TNFRSF8: variants seen among roughly 807,000 people sequenced by gnomAD.
TNFRSF8 encodes the protein tumor necrosis factor receptor superfamily member 8.
TNFRSF8 carries 26 observed loss-of-function variants against 70.8 expected under a neutral mutation model. That is an observed-to-expected ratio of 0.37 (90% CI 0.27 to 0.51). The LOEUF (loss-of-function observed/expected upper bound fraction) is 0.51, where lower values mean the gene tolerates loss of function less well. TNFRSF8 is among the 20% of genes least tolerant of loss of function. The pLI is 0.94. For missense variants in TNFRSF8, 720 were observed against 807.9 expected (o/e 0.89, Z 1.32); for synonymous variants, 356 against 339.2 (o/e 1.05, Z -0.54).
intron 1 of TNFRSF8, among the ~76,000 whole-genome samples, chr1:12,064,589 A>C (rs1180170028): frequency 2.0e-5 from 3 of 152,162 alleles, no homozygotes; most frequent in Non-Finnish European, 2.9e-5. Context: ...GGGAAGACCC[A>C]GTTCCCCTTT....
At chr1:12,105,005 A>G (rs944489828) in intron 4 of TNFRSF8, among the ~76,000 whole-genome samples, 1 of 151,996 alleles carries the variant, frequency 6.6e-6, no homozygotes, top group Non-Finnish European at 1.5e-5. Flanking sequence ...CAAGTTTCTT[A>G]CCTCTCTGAC....
At chr1:12,105,382 A>C (rs538620887) in intron 4 of TNFRSF8, among the ~76,000 whole-genome samples, 12 of 151,560 alleles carry the variant, frequency 7.9e-5, no homozygotes, top group African/African-American at 2.7e-4. Flanking sequence ...TCGTTCCCTC[A>C]TCCTTCACAG....
At chr1:12,122,904 C>T (rs1395608879) in intron 8 of TNFRSF8, among the ~76,000 whole-genome samples, 1 of 152,018 alleles carries the variant, frequency 6.6e-6, no homozygotes, top group Non-Finnish European at 1.5e-5. Context: ...TCTCAGCTCA[C>T]TGCAGCCTCC....
chr1:12,110,085 C>T lies in TNFRSF8; in HGVS notation c.557C>T (p.Thr186Ile). 1.2e-6 allele frequency: 2 copies of T among 1,613,616 alleles called. No homozygotes were observed. The highest frequency in any genetic ancestry group is 1.1e-5 in the South Asian group (1 of 90,986). Residue 186 changes from threonine to isoleucine, a missense_variant, in exon 6 of 15, where the codon ACC becomes ATC. Coordinates refer to ENST00000263932, the MANE Select transcript of TNFRSF8 (RefSeq NM_001243.5). This position sits in a 1 kb window ranked among gnomAD's most constrained non-coding sequence, Gnocchi z 4.0. ...QAKPTPVSPATSSASTMPVRG... is the reference protein window; with the variant it reads ...QAKPTPVSPAISSASTMPVRG... ...AAGCCCACCCCGGTGTCCCCAGCAA[C>T]CTCCAGTGCCAGCACCATGCCTGTA...
chr1:12,115,999 G>C (rs1641722121), intron 8 of TNFRSF8, among the ~76,000 whole-genome samples: 1 of 152,092 alleles, frequency 6.6e-6, no homozygotes, highest in Admixed American at 6.6e-5. Context: ...TTATATTTTT[G>C]AGATGGAGTT....
intron 12 of TNFRSF8, among the ~76,000 whole-genome samples, chr1:12,132,501 C>T (rs969904182): frequency 2.0e-5 from 3 of 152,192 alleles, no homozygotes; most frequent in African/African-American, 7.2e-5. Context: ...TGGAGTTATG[C>T]ATTGGGGGAA....
At chr1:12,096,789 TCA>T (rs34950439) in intron 2 of TNFRSF8, among the ~76,000 whole-genome samples, 29,943 of 151,236 alleles carry the variant, frequency 0.2, 3,365 homozygotes, top group Admixed American at 0.29. Context: ...CTATGTACCC[TCA>T]CACACACACA....
chr1:12,090,073 A>G (rs1158507894), intron 2 of TNFRSF8, among the ~76,000 whole-genome samples: 1 of 149,232 alleles, frequency 6.7e-6, no homozygotes, highest in Non-Finnish European at 1.5e-5. Flanking sequence ...CCATCCATCT[A>G]CCCACTCATC....
At chr1:12,079,439 C>A (rs1225730338) in intron 1 of TNFRSF8, among the ~76,000 whole-genome samples, 1 of 152,158 alleles carries the variant, frequency 6.6e-6, no homozygotes, top group Non-Finnish European at 1.5e-5. Flanking sequence ...CCCTCCCAGG[C>A]AAGGGCCCGA....
intron 2 of TNFRSF8, among the ~76,000 whole-genome samples, chr1:12,090,584 C>G (rs1641233059): frequency 6.6e-6 from 1 of 151,878 alleles, no homozygotes; most frequent in Non-Finnish European, 1.5e-5. Flanking sequence ...ATCCATCCAC[C>G]CACCCACCCA....
chr1:12,118,492 C>T (rs762224918), intron 8 of TNFRSF8, among the ~76,000 whole-genome samples: 1 of 152,154 alleles, frequency 6.6e-6, no homozygotes, highest in Non-Finnish European at 1.5e-5. Flanking sequence ...TAAAAAGATA[C>T]GAAACCAGAA....
At chr1:12,126,918 G>A (rs1309330047) in intron 12 of TNFRSF8, among the ~76,000 whole-genome samples, 1 of 152,244 alleles carries the variant, frequency 6.6e-6, no homozygotes, top group Non-Finnish European at 1.5e-5. Flanking sequence ...TGTGCCTGGG[G>A]CTTTTTCCTT....
intron 2 of TNFRSF8, among the ~76,000 whole-genome samples, chr1:12,089,426 T>C (rs903380387): frequency 3.3e-5 from 5 of 152,188 alleles, no homozygotes; most frequent in Non-Finnish European, 7.3e-5. Context: ...CTCCCTCTGC[T>C]GAAGTCAGAC....
chr1:12,068,428 A>G (rs1178965818), intron 1 of TNFRSF8, among the ~76,000 whole-genome samples: 1 of 152,074 alleles, frequency 6.6e-6, no homozygotes, highest in Non-Finnish European at 1.5e-5. Flanking sequence ...AGAGCCCACC[A>G]CAGACTAGAC....
In TNFRSF8 at chr1:12,092,491, T is replaced by C. The variant is rs1027287719; in HGVS notation, c.152-4610T>C. Among the ~76,000 whole-genome samples, 9 of 150,738 alleles carry C rather than the reference T, an allele frequency of 6.0e-5. No homozygotes were observed. In the East Asian group the frequency reaches 1.2e-3, roughly 20 times the overall value. On this transcript the variant is annotated intron_variant, in intron 2 of 14. Coordinates refer to ENST00000263932, the MANE Select transcript of TNFRSF8 (RefSeq NM_001243.5). The stretch of plus-strand genomic sequence containing the variant: ...CCTGAAAATGTCCAATTTTCCCCTT[T>C]TCTTTTATTTTTCTTGTCTTTTTTT...
chr1:12,133,280 C>T (rs1642084297), intron 12 of TNFRSF8, among the ~76,000 whole-genome samples: 1 of 152,032 alleles, frequency 6.6e-6, no homozygotes, highest in Non-Finnish European at 1.5e-5. Context: ...CCCTTCAAGG[C>T]CGAGTTGTGT....
At position 12,143,540 on chromosome 1, in the gene TNFRSF8, G is replaced by GAA. The variant is rs1039492244; in HGVS notation, c.*1009_*1010insAA. 3.3e-5 allele frequency: 5 copies of GAA among 152,092 alleles called. No individual in the cohort carries two copies. Among genetic ancestry groups the GAA allele is most frequent in the African/African-American group, 1.2e-4 (5 of 41,100 alleles). The allele number at this position is 152,092 out of a possible 1,614,324, so 9.4% of individuals were successfully genotyped here. A position where few individuals can be genotyped will look rare whatever the true frequency, so the allele number is the denominator to read the frequency against. On this transcript the variant is annotated 3_prime_UTR_variant, in exon 15 of 15. Transcript: ENST00000263932. This position sits in a 1 kb window ranked among gnomAD's most constrained non-coding sequence, Gnocchi z 4.1. ...GACCCCACCACCTGGTTCCGGCTCT[G>GAA]CACGCTTTGGGGTGTGGATGTCGAG... is the stretch of plus-strand genomic sequence containing the variant.
At chr1:12,136,469 T>C (rs591598) in intron 13 of TNFRSF8, among the ~76,000 whole-genome samples, 3 of 151,688 alleles carry the variant, frequency 2.0e-5, no homozygotes, top group African/African-American at 4.8e-5. Context: ...GCCAACATAG[T>C]GAAACCCCGT....
intron 4 of TNFRSF8, among the ~76,000 whole-genome samples, chr1:12,105,180 C>T (rs1255406043): frequency 6.6e-6 from 1 of 152,096 alleles, no homozygotes; most frequent in Non-Finnish European, 1.5e-5. Context: ...CAGTTGCAGA[C>T]TGTATGGAGC....
Sources: gnomAD v4.1 joint callset for allele counts (sites outside exome capture counted in the v4.1 genomes callset) on GRCh38, gnomAD v4.1.1 for gene constraint, Gnocchi (gnomAD v3.1) non-coding constraint, MANE v1.5 for transcripts, NCBI Gene and HGNC (gene_info 2026-07-23, HGNC 2026-07-21) for gene names.